Variants in SPTBN2 observed in about 807,000 individuals in gnomAD.
SPTBN2 encodes the protein spectrin beta chain, non-erythrocytic 2.
A neutral mutation model predicts 284.2 loss-of-function variants in SPTBN2; 107 were observed. That is an observed-to-expected ratio of 0.38 (90% CI 0.32 to 0.44). SPTBN2 has a LOEUF of 0.44. SPTBN2 is among the 20% of genes least tolerant of loss of function. The pLI is 1.00. For synonymous variants in SPTBN2, 1,289 were observed against 1,354.8 expected (o/e 0.95, Z 1.07); for missense variants, 2,569 against 3,287.1 (o/e 0.78, Z 5.34).
intron 1 of SPTBN2, chr11:66,728,305 G>T (rs1297131835): frequency 1.4e-5 from 2 of 145,514 alleles, no homozygotes; most frequent in African/African-American, 4.9e-5. Context: ...CTGTCACGGG[G>T]CGCAGGCGGC....
Position 66,708,336 on chromosome 11 carries a change from G to T in SPTBN2, c.1192-37C>A. The T allele has an allele frequency of 6.5e-7, 1 of 1,539,900 alleles. No homozygotes were observed. The highest frequency in any genetic ancestry group is 8.8e-7 in the Non-Finnish European group (1 of 1,138,954). On this transcript the variant is annotated intron_variant, in intron 11 of 37. Coordinates refer to ENST00000533211, the MANE Select transcript of SPTBN2 (RefSeq NM_006946.4). The surrounding 1 kb of genome is among the most constrained non-coding windows in gnomAD (Gnocchi z 4.4). Reference sequence around the variant, plus strand: ...GGACAGGGTTAGTGGAAGGGACAGGGTGGGGAGGGCTCAGTGGGGCTGGAG... The same window carrying T: ...GGACAGGGTTAGTGGAAGGGACAGGTTGGGGAGGGCTCAGTGGGGCTGGAG...
chr11:66,693,736 T>C lies in SPTBN2; in HGVS notation c.4593+36A>G, dbSNP rs1189248407. 3.8e-6 allele frequency: 6 copies of C among 1,588,422 alleles called. No homozygotes were observed. The South Asian group carries it at 6.8e-5, about 18-fold the overall frequency. ...ACACGTCCAAGTCTGGGCAGGCTCCTGGGAACTTCTCTTTTGCCTTCAGCC... is the reference window on the plus strand; with the variant it reads ...ACACGTCCAAGTCTGGGCAGGCTCCCGGGAACTTCTCTTTTGCCTTCAGCC... On this transcript the variant is annotated intron_variant, in intron 23 of 37. Coordinates refer to ENST00000533211, the MANE Select transcript of SPTBN2 (RefSeq NM_006946.4). This position sits in a 1 kb window ranked among gnomAD's most constrained non-coding sequence, Gnocchi z 5.7.
chr11:66,707,903 G>A lies in SPTBN2; in HGVS notation c.1351-85C>T, dbSNP rs1941651828. 6.5e-7 allele frequency: 1 copy of A among 1,538,622 alleles called. No homozygotes were observed. ...CTCTGTCCTGCAGGGCACTTGGCCTGCAAGATCCCAGCTCCATGCGGTGGC... is the reference window on the plus strand; with the variant it reads ...CTCTGTCCTGCAGGGCACTTGGCCTACAAGATCCCAGCTCCATGCGGTGGC... On this transcript the variant is annotated intron_variant, in intron 12 of 37. Coordinates refer to ENST00000533211, the MANE Select transcript of SPTBN2 (RefSeq NM_006946.4). This position sits in a 1 kb window ranked among gnomAD's most constrained non-coding sequence, Gnocchi z 4.9.
rs2135523249 is a variant in SPTBN2 at position 66,715,544 on chromosome 11, C to T, written c.310-149G>A. 7.8e-6 allele frequency: 9 copies of T among 1,159,650 alleles called. No individual in the cohort carries two copies. Among genetic ancestry groups the T allele is most frequent in the East Asian group, 2.5e-5 (1 of 39,284 alleles). 71.8% of individuals were successfully genotyped at this position (1,159,650 alleles called of 1,614,324 possible). On this transcript the variant is annotated intron_variant, in intron 4 of 37. Transcript: ENST00000533211. The surrounding 1 kb of genome is among the most constrained non-coding windows in gnomAD (Gnocchi z 5.3). ...CCCCAGGGCTGGAGCCAAAGCTGAG[C>T]TTACAGATGAGGCTTGGGCAGATTA...
rs115917700 is a variant in SPTBN2 at position 66,715,171 on chromosome 11, G to C, written c.483+51C>G. ...CATGGGCCAGCAGGAACGGCTTGCG[G>C]TGCAGAGCCAGGGCAGGAACCACAC... On this transcript the variant is annotated intron_variant, in intron 5 of 37. Coordinates refer to ENST00000533211, the MANE Select transcript of SPTBN2 (RefSeq NM_006946.4). This position sits in a 1 kb window ranked among gnomAD's most constrained non-coding sequence, Gnocchi z 5.3. 1 of 1,606,050 alleles carries C rather than the reference G, an allele frequency of 6.2e-7. No homozygotes were observed. Among genetic ancestry groups the C allele is most frequent in the Admixed American group, 1.7e-5 (1 of 59,938 alleles).
rs370657925 is a variant in SPTBN2, at chr11:66,700,623, C to T, written c.3476G>A (p.Arg1159Gln). The change falls in exon 17 of 38, where the codon CGA (arginine) becomes CAA (glutamine). Residue 1159 changes from arginine to glutamine, a missense_variant. By Grantham distance (43) the Arg-to-Gln change is conservative (BLOSUM62 1). Transcript: ENST00000533211. The surrounding 1 kb of genome is among the most constrained non-coding windows in gnomAD (Gnocchi z 6.6). ...ALGTGWEELG[R>Q]MWESRQGRLA... The stretch of plus-strand genomic sequence containing the variant: ...GCGACCTTGCCGGCTCTCCCACATT[C>T]GGCCCAGCTCCTCCCAGCCAGTTCC... 63 of 1,608,142 alleles carry T rather than the reference C, an allele frequency of 3.9e-5. No homozygotes were observed. Among genetic ancestry groups the T allele is most frequent in the Admixed American group, 6.7e-5 (4 of 60,020 alleles).
intron 1 of SPTBN2, among the ~76,000 whole-genome samples, chr11:66,743,040 G>C (rs1942910002): frequency 6.7e-6 from 1 of 149,534 alleles, no homozygotes; most frequent in South Asian, 2.1e-4. Flanking sequence ...AGTGGGGTCC[G>C]ACAACAAGCA....
Sources: allele counts gnomAD v4.1 joint callset (sites outside exome capture counted in the v4.1 genomes callset), GRCh38; gene constraint gnomAD v4.1.1; non-coding constraint Gnocchi (gnomAD v3.1); transcripts MANE v1.5; gene names NCBI Gene and HGNC (gene_info 2026-07-23, HGNC 2026-07-21).